Variants in SMYD3 observed in about 807,000 individuals in gnomAD.
SMYD3 encodes histone-lysine N-methyltransferase SMYD3.
A neutral mutation model predicts 57.7 loss-of-function variants in SMYD3; 36 were observed. The observed-to-expected ratio is 0.62, with a 90% CI of 0.48 to 0.82. The LOEUF is 0.82. Ranked by LOEUF, SMYD3 falls within the 40% of genes least tolerant of loss-of-function variation. SMYD3 has a pLI of 0.00. For missense variants in SMYD3, 515 were observed against 538.8 expected, an observed-to-expected ratio of 0.96 and a Z score of 0.44; for synonymous variants, 211 against 195.0, an observed-to-expected ratio of 1.08 and a Z score of -0.68.
intron 1 of SMYD3, among the ~76,000 whole-genome samples, chr1:246,463,000 A>G (rs929423885): frequency 5.3e-5 from 8 of 152,148 alleles, no homozygotes; most frequent in Non-Finnish European, 1.2e-4. Flanking sequence ...AGAATGCAAG[A>G]AAAACTTGGT....
At chr1:246,440,039 T>G (rs1558465927) in intron 1 of SMYD3, among the ~76,000 whole-genome samples, 3 of 152,166 alleles carry the variant, frequency 2.0e-5, no homozygotes, top group Admixed American at 2.0e-4. Context: ...TTATATCCAT[T>G]AGCCTGTGGT....
chr1:246,237,030 T>C (rs1179194707), intron 5 of SMYD3, among the ~76,000 whole-genome samples: 2 of 152,150 alleles, frequency 1.3e-5, no homozygotes, highest in South Asian at 2.1e-4. Flanking sequence ...AAACCATTAA[T>C]ACATCAAGAA....
At chr1:246,450,970 A>G (rs949739388) in intron 1 of SMYD3, among the ~76,000 whole-genome samples, 1 of 152,250 alleles carries the variant, frequency 6.6e-6, no homozygotes, top group African/African-American at 2.4e-5. Context: ...AAATAAATGC[A>G]TATTACCACA....
chr1:245,865,318 A>G (rs937043295), intron 8 of SMYD3, among the ~76,000 whole-genome samples: 1 of 152,204 alleles, frequency 6.6e-6, no homozygotes, highest in African/African-American at 2.4e-5. Flanking sequence ...CACACTGTCT[A>G]TAGAATACTA....
At chr1:246,391,648 T>G (rs559955540) in intron 1 of SMYD3, among the ~76,000 whole-genome samples, 19 of 151,948 alleles carry the variant, frequency 1.3e-4, no homozygotes, top group African/African-American at 4.3e-4. Context: ...CAAAATACAC[T>G]TTAAGACACA....
chr1:245,789,015 C>T (rs967138706), intron 10 of SMYD3: 1 of 152,184 alleles, frequency 6.6e-6, no homozygotes, highest in African/African-American at 2.4e-5. Context: ...GGAAAGCATT[C>T]CGAAAGTTTC....
intron 1 of SMYD3, among the ~76,000 whole-genome samples, chr1:246,416,200 A>G (rs1293462192): frequency 6.6e-6 from 1 of 152,202 alleles, no homozygotes; most frequent in Non-Finnish European, 1.5e-5. Flanking sequence ...ACAATCCTTA[A>G]GAACATCATA....
chr1:246,188,233 T>C (rs1246678451), intron 5 of SMYD3, among the ~76,000 whole-genome samples: 1 of 151,990 alleles, frequency 6.6e-6, no homozygotes, highest in African/African-American at 2.4e-5. Context: ...TGTTCATTCA[T>C]CCAGCACGTC....
At chr1:246,283,648 T>A (rs1038896493) in intron 5 of SMYD3, among the ~76,000 whole-genome samples, 3 of 152,234 alleles carry the variant, frequency 2.0e-5, no homozygotes, top group African/African-American at 7.2e-5. Context: ...TTTAAAGCTC[T>A]TAATGACACT....
intron 5 of SMYD3, among the ~76,000 whole-genome samples, chr1:246,032,750 C>T (rs965089712): frequency 2.0e-5 from 3 of 152,158 alleles, no homozygotes; most frequent in Non-Finnish European, 2.9e-5. Flanking sequence ...CAGGTGAAAA[C>T]AGAACCGTTA....
At chr1:246,316,703 T>A (rs1431424648) in intron 5 of SMYD3, among the ~76,000 whole-genome samples, 1 of 144,936 alleles carries the variant, frequency 6.9e-6, no homozygotes, top group Non-Finnish European at 1.5e-5. Context: ...TTTAAAAAAT[T>A]AAAAATTAAA....
chr1:246,496,181 C>T (rs927337086), intron 1 of SMYD3, among the ~76,000 whole-genome samples: 11 of 151,656 alleles, frequency 7.3e-5, no homozygotes, highest in Non-Finnish European at 1.2e-4. Context: ...GGATTACAGG[C>T]GCACACCACC....
intron 1 of SMYD3, among the ~76,000 whole-genome samples, chr1:246,396,330 T>G (rs2066672554): frequency 6.6e-6 from 1 of 152,134 alleles, no homozygotes. Context: ...AGCTAGCTGA[T>G]TATTCATTAT....
chr1:246,178,311 A>G (rs1039704376), intron 5 of SMYD3, among the ~76,000 whole-genome samples: 4 of 151,252 alleles, frequency 2.6e-5, no homozygotes, highest in African/African-American at 9.9e-5. Flanking sequence ...TAAAGCCCCA[A>G]AAGATGGTTG....
chr1:246,017,603 C>T (rs1427219637), intron 5 of SMYD3, among the ~76,000 whole-genome samples: 1 of 152,154 alleles, frequency 6.6e-6, no homozygotes, highest in Admixed American at 6.5e-5. Flanking sequence ...GTTCTCATAT[C>T]CTATCACGTG....
chr1:246,061,223 A>ACG (rs1255134305), intron 5 of SMYD3, among the ~76,000 whole-genome samples: 1 of 152,184 alleles, frequency 6.6e-6, no homozygotes, highest in East Asian at 1.9e-4. Context: ...ACTCCGTCAC[A>ACG]CGCACACACA....
intron 1 of SMYD3, among the ~76,000 whole-genome samples, chr1:246,459,389 G>C (rs1437430756): frequency 6.6e-6 from 1 of 150,982 alleles, no homozygotes; most frequent in African/African-American, 2.4e-5. Flanking sequence ...CTGCTCTGCT[G>C]TTCTCCTGAC....
chr1:246,192,221 C>T (rs577633562), intron 5 of SMYD3, among the ~76,000 whole-genome samples: 1 of 152,250 alleles, frequency 6.6e-6, no homozygotes, highest in South Asian at 2.1e-4. Flanking sequence ...TCCTCAGCCT[C>T]CCAAGCAGCT....
intron 5 of SMYD3, among the ~76,000 whole-genome samples, chr1:246,258,930 C>G (rs1251146706): frequency 1.3e-5 from 2 of 151,892 alleles, no homozygotes; most frequent in African/African-American, 4.8e-5. Flanking sequence ...TTTTTTCTTC[C>G]TTTTTGTCTG....
Sources: allele counts gnomAD v4.1 joint callset (sites outside exome capture counted in the v4.1 genomes callset), GRCh38; gene constraint gnomAD v4.1.1; transcripts MANE v1.5; gene names NCBI Gene and HGNC (gene_info 2026-07-23, HGNC 2026-07-21).